The following RAF1 variants were observed in gnomAD, a reference collection of about 807,000 sequenced individuals.
RAF1 encodes RAF proto-oncogene serine/threonine-protein kinase.
In RAF1, 27 loss-of-function variants were observed where a neutral mutation model predicts 81.1. That is an observed-to-expected ratio of 0.33 (90% CI 0.25 to 0.46). The LOEUF is 0.46. Ranked by LOEUF, RAF1 falls within the 20% of genes least tolerant of loss-of-function variation. RAF1 has a pLI of 1.00. For missense variants in RAF1, 598 were observed against 826.0 expected, an observed-to-expected ratio of 0.72 and a Z score of 3.38; for synonymous variants, 298 against 294.0, an observed-to-expected ratio of 1.01 and a Z score of -0.14.
At chr3:12,642,291 A>C (rs1394747236) in intron 1 of RAF1, among the ~76,000 whole-genome samples, 1 of 129,386 alleles carries the variant, frequency 7.7e-6, no homozygotes, top group Non-Finnish European at 1.6e-5. Flanking sequence ...TCTACTAAAA[A>C]TACAAAAAAA....
intron 3 of RAF1, among the ~76,000 whole-genome samples, chr3:12,609,712 C>G (rs554923363): frequency 6.1e-4 from 93 of 152,224 alleles, no homozygotes; most frequent in African/African-American, 2.1e-3. Context: ...AATCCCTGGC[C>G]TCAAGCGGTC....
chr3:12,622,698 G>A (rs1284402348), intron 1 of RAF1, among the ~76,000 whole-genome samples: 1 of 152,156 alleles, frequency 6.6e-6, no homozygotes. Context: ...CATAAGGGCA[G>A]AACCCTGCCA....
In RAF1 at chr3:12,615,352, A is replaced by G. The variant is rs185119036; in HGVS notation, c.207+3163T>C. 1.9e-4 allele frequency among the ~76,000 whole-genome samples: 29 copies of G among 152,346 alleles called. No homozygotes were observed. The South Asian group carries it at 2.7e-3, about 14-fold the overall frequency. ...CAAAAACCTAATTATCACATCTAAA[A>G]TTATTTAAATCAGATACGCGTCCTC... On this transcript the variant is annotated intron_variant, in intron 2 of 17. Transcript: ENST00000442415.
intron 1 of RAF1, among the ~76,000 whole-genome samples, chr3:12,662,153 T>A (rs982401457): frequency 5.3e-5 from 8 of 149,698 alleles, no homozygotes; most frequent in Non-Finnish European, 7.4e-5. Context: ...TAGGCAACAC[T>A]GCCAGACTCC....
Position 12,590,896 on chromosome 3 carries a change from G to A in RAF1, c.1332C>T (p.Cys444=), listed in dbSNP as rs142942142. 3.0e-5 allele frequency: 48 copies of A among 1,612,800 alleles called. No individual in the cohort carries two copies. Among genetic ancestry groups the A allele is most frequent in the East Asian group, 1.6e-4 (7 of 44,882 alleles). The stretch of plus-strand genomic sequence containing the variant: ...GGTGTTTGTAGAGGCTGCTGCCCTC[G>A]CACCACTGGGTCACAATTGCCAGGT... The change falls in exon 13 of 18, where the codon TGC becomes TGT. Residue 444 remains cysteine, a synonymous_variant. Transcript: ENST00000442415.
rs573699400 is a variant in RAF1 at position 12,593,796 on chromosome 3, T to C, written c.1169-2004A>G. Among the ~76,000 whole-genome samples the C allele has an allele frequency of 3.3e-5, 5 of 149,676 alleles. No individual in the cohort carries two copies. In the South Asian group the frequency reaches 1.1e-3, roughly 32 times the overall value. ...ATGGGGGAGTAAATCCTTTTTTTTT[T>C]TTTTTTTTTCTTTTTTAGAGATGGG... On this transcript the variant is annotated intron_variant, in intron 11 of 17. Coordinates refer to ENST00000442415, the MANE Select transcript of RAF1 (RefSeq NM_001354689.3).
At chr3:12,634,768 T>C (rs940272463) in intron 1 of RAF1, among the ~76,000 whole-genome samples, 3 of 152,018 alleles carry the variant, frequency 2.0e-5, no homozygotes, top group African/African-American at 7.2e-5. Flanking sequence ...ATAGCCCATA[T>C]TTTCAAAGTT....
chr3:12,589,885 G>A (rs1016567644), intron 13 of RAF1: 1 of 151,306 alleles, frequency 6.6e-6, no homozygotes, highest in African/African-American at 2.4e-5. Context: ...CCGCCTCCCG[G>A]GTTGAAGTGA....
intron 2 of RAF1, among the ~76,000 whole-genome samples, chr3:12,615,522 G>A (rs1345696084): frequency 2.6e-5 from 4 of 152,118 alleles, no homozygotes; most frequent in Non-Finnish European, 1.5e-5. Flanking sequence ...GCTGACTGAT[G>A]GTGCTGGCCT....
At chr3:12,620,870 C>A (rs573354415) in intron 1 of RAF1, among the ~76,000 whole-genome samples, 2 of 151,754 alleles carry the variant, frequency 1.3e-5, no homozygotes, top group Non-Finnish European at 2.9e-5. Context: ...ATTTAAAGTC[C>A]ATGAATTTTC....
intron 1 of RAF1, among the ~76,000 whole-genome samples, chr3:12,647,592 T>TCAAACAAA (rs34420595): frequency 5.9e-5 from 9 of 151,644 alleles, no homozygotes; most frequent in East Asian, 5.8e-4. Flanking sequence ...AGACCCTGTC[T>TCAAACAAA]CAAACAAACA....
Position 12,603,827 on chromosome 3 carries a change from C to A in RAF1, c.835-290G>T, listed in dbSNP as rs1159133198. Among the ~76,000 whole-genome samples the A allele has an allele frequency of 2.0e-5, 3 of 152,150 alleles. No homozygotes were observed. In the East Asian group the frequency reaches 5.8e-4, roughly 29 times the overall value. Reference sequence around the variant, plus strand: ...ATCACTGTTAATTTCTGTCCCACACCAAAACTAAACTGCTCTTTAAATATC... The same window carrying A: ...ATCACTGTTAATTTCTGTCCCACACAAAAACTAAACTGCTCTTTAAATATC... On this transcript the variant is annotated intron_variant, in intron 7 of 17. Transcript: ENST00000442415.
intron 1 of RAF1, among the ~76,000 whole-genome samples, chr3:12,651,210 T>C (rs541266573): frequency 3.3e-5 from 5 of 152,328 alleles, no homozygotes; most frequent in Non-Finnish European, 7.3e-5. Flanking sequence ...TTTAACCCCT[T>C]CTTTGTTTTA....
intron 15 of RAF1, 145 bp downstream of exon 14, chr3:12,585,536 C>T: frequency 7.2e-7 from 1 of 1,385,792 alleles, no homozygotes; most frequent in East Asian, 2.5e-5. Flanking sequence ...TCAAGAAAAT[C>T]TACAATTGCC....
chr3:12,653,172 C>T (rs2060587742), intron 1 of RAF1, among the ~76,000 whole-genome samples: 1 of 151,894 alleles, frequency 6.6e-6, no homozygotes, highest in Admixed American at 6.6e-5. Flanking sequence ...ATCCTAGCTA[C>T]TTGGGAGACT....
intron 1 of RAF1, among the ~76,000 whole-genome samples, chr3:12,620,544 C>T (rs1009517683): frequency 6.6e-6 from 1 of 152,068 alleles, no homozygotes; most frequent in African/African-American, 2.4e-5. Context: ...GATCACAGCT[C>T]ACTGCAGCTT....
At chr3:12,638,001 CCT>C in intron 1 of RAF1, among the ~76,000 whole-genome samples, 1 of 152,260 alleles carries the variant, frequency 6.6e-6, no homozygotes, top group East Asian at 1.9e-4. Context: ...CAGGACCTCC[CCT>C]GACCACCCTG....
chr3:12,617,091 G>A (rs994911316), intron 2 of RAF1, among the ~76,000 whole-genome samples: 1 of 151,744 alleles, frequency 6.6e-6, no homozygotes, highest in Non-Finnish European at 1.5e-5. Flanking sequence ...ACAGACGTGT[G>A]CCACCACGCC....
intron 1 of RAF1, among the ~76,000 whole-genome samples, chr3:12,623,330 T>C (rs1403798828): frequency 2.0e-5 from 3 of 152,220 alleles, no homozygotes; most frequent in Non-Finnish European, 4.4e-5. Context: ...ATTCTAAGTC[T>C]TGCAGGCACT....
Sources: allele counts gnomAD v4.1 joint callset (sites outside exome capture counted in the v4.1 genomes callset), GRCh38; gene constraint gnomAD v4.1.1; transcripts MANE v1.5; gene names NCBI Gene and HGNC (gene_info 2026-07-23, HGNC 2026-07-21).